Variants in PCLO observed in about 807,000 individuals in gnomAD.
PCLO encodes the protein protein piccolo.
A neutral mutation model predicts 427.5 loss-of-function variants in PCLO; 82 were observed. The observed-to-expected ratio is 0.19, with a 90% CI of 0.16 to 0.23. The LOEUF is 0.23. Ranked by LOEUF, PCLO falls within the 10% of genes least tolerant of loss-of-function variation. The pLI, the probability that PCLO is intolerant of heterozygous loss-of-function variation, is 1.00. For synonymous variants in PCLO, 2,357 were observed against 2,155.4 expected (o/e 1.09, Z -2.59); for missense variants, 6,239 against 6,115.9 (o/e 1.02, Z -0.67).
intron 3 of PCLO, among the ~76,000 whole-genome samples, chr7:83,047,108 A>G (rs1385042304): frequency 6.6e-6 from 1 of 152,106 alleles, no homozygotes; most frequent in Non-Finnish European, 1.5e-5. Context: ...TACTAAATGT[A>G]GATAAGCAAG....
At chr7:82,829,302 C>A (rs1464975078) in intron 16 of PCLO, among the ~76,000 whole-genome samples, 2 of 152,172 alleles carry the variant, frequency 1.3e-5, no homozygotes, top group African/African-American at 4.8e-5. Context: ...CAACCCTCCA[C>A]CCACTTCCCT....
intron 3 of PCLO, among the ~76,000 whole-genome samples, chr7:83,133,786 A>G (rs1425940547): frequency 6.6e-6 from 1 of 152,090 alleles, no homozygotes; most frequent in African/African-American, 2.4e-5. Context: ...GTGTTTATGC[A>G]TATTCAACCA....
intron 3 of PCLO, among the ~76,000 whole-genome samples, chr7:82,990,396 C>T (rs970264502): frequency 6.6e-5 from 10 of 152,066 alleles, no homozygotes; most frequent in African/African-American, 1.7e-4. Context: ...ATTTAATTAC[C>T]AGACAGGTAA....
chr7:82,925,819 G>C (rs1301617087), intron 6 of PCLO, among the ~76,000 whole-genome samples: 40 of 144,322 alleles, frequency 2.8e-4, no homozygotes, highest in Non-Finnish European at 1.5e-5. Context: ...GGACTCAAGT[G>C]ATCCTCCCAC....
At chr7:83,127,135 A>G (rs945679659) in intron 3 of PCLO, among the ~76,000 whole-genome samples, 1 of 152,110 alleles carries the variant, frequency 6.6e-6, no homozygotes, top group African/African-American at 2.4e-5. Context: ...TTTCAAGAGG[A>G]GAATGTCTGT....
At position 83,135,148 on chromosome 7, in the gene PCLO, T is replaced by C. The variant is rs552296324; in HGVS notation, c.2402A>G (p.Lys801Arg). Residue 801 changes from lysine to arginine, a missense_variant, in exon 3 of 25, where the codon AAA (lysine) becomes AGA (arginine). By Grantham distance (26) the Lys-to-Arg change is conservative. Coordinates refer to ENST00000333891, the MANE Select transcript of PCLO (RefSeq NM_033026.6). ...TGTTGGTGGAAAACTCTGTGAGGGT[T>C]TGGCAGAGTCTGTTTTTAGAGGAGG... The part of the protein sequence containing the change: ...TTPPLKTDSA[K>R]PSQSFPPTGE... The C allele has an allele frequency of 1.2e-6, 2 of 1,613,952 alleles. No individual in the cohort carries two copies. The highest frequency in any genetic ancestry group is 1.1e-5 in the South Asian group (1 of 91,076).
intron 6 of PCLO, among the ~76,000 whole-genome samples, chr7:82,939,875 T>C (rs1397998929): frequency 6.6e-6 from 1 of 151,884 alleles, no homozygotes; most frequent in Non-Finnish European, 1.5e-5. Context: ...CTTTATTTCA[T>C]ACAAACTGCA....
intron 10 of PCLO, among the ~76,000 whole-genome samples, chr7:82,848,063 T>C (rs761765288): frequency 2.2e-4 from 33 of 152,184 alleles, no homozygotes; most frequent in Non-Finnish European, 3.4e-4. Context: ...AAAAGAAAAG[T>C]GTAACATAAT....
intron 3 of PCLO, among the ~76,000 whole-genome samples, chr7:83,092,692 G>C (rs1735070300): frequency 6.6e-6 from 1 of 152,090 alleles, no homozygotes; most frequent in Non-Finnish European, 1.5e-5. Context: ...GCTCATGCCT[G>C]TAATCCCAGC....
chr7:82,842,997 T>G (rs1316316376), intron 13 of PCLO, among the ~76,000 whole-genome samples: 1 of 151,744 alleles, frequency 6.6e-6, no homozygotes, highest in Non-Finnish European at 1.5e-5. Flanking sequence ...AGTATGGAGG[T>G]TCCTCAAAAA....
In PCLO at chr7:82,954,421, G is replaced by T. The variant is rs201432429; in HGVS notation, c.6532C>A (p.Pro2178Thr). ...EPSESATSVP[P>T]SDTPSLTSSV... The stretch of plus-strand genomic sequence containing the variant: ...GATGTGAGAGAAGGTGTGTCAGAGG[G>T]TGGGACAGATGTAGCACTTTCTGAA... The change falls in exon 5 of 25, where the codon CCC becomes ACC. Residue 2178 changes from proline to threonine, a missense_variant. Around this residue, in one of 5 missense-constraint regions of PCLO, gnomAD observed 4,677 missense variants for 4,468.4 expected, o/e 1.05. Coordinates refer to ENST00000333891, the MANE Select transcript of PCLO (RefSeq NM_033026.6). The T allele has an allele frequency of 6.8e-6, 11 of 1,613,816 alleles. No individual in the cohort carries two copies. The highest frequency in any genetic ancestry group is 9.3e-6 in the Non-Finnish European group (11 of 1,179,844).
chr7:82,942,062 C>T (rs1322275523), intron 6 of PCLO, among the ~76,000 whole-genome samples: 1 of 152,110 alleles, frequency 6.6e-6, no homozygotes, highest in Non-Finnish European at 1.5e-5. Context: ...GCCTGTATTC[C>T]CAGCTATTCA....
chr7:82,811,873 C>A (rs1027164879), intron 20 of PCLO, among the ~76,000 whole-genome samples: 1 of 151,264 alleles, frequency 6.6e-6, no homozygotes, highest in African/African-American at 2.4e-5. Context: ...ATGTCATTGA[C>A]AATTTCTTTT....
Position 82,955,343 on chromosome 7 carries a change from A to C in PCLO, c.5610T>G (p.Phe1870Leu). The stretch of plus-strand genomic sequence containing the variant: ...CTATTATTTTTTCCGGGCTTATTTC[A>C]AAACCTTCTGGGTCTGACTCTATGC... ...SPSIESDPEG[F>L]EISPEKIIEV... The change falls in exon 5 of 25, where the codon TTT becomes TTG. Residue 1870 changes from phenylalanine to leucine, a missense_variant. Around this residue, in one of 5 missense-constraint regions of PCLO, gnomAD observed 4,677 missense variants for 4,468.4 expected, o/e 1.05. Transcript: ENST00000333891. 6.2e-7 allele frequency: 1 copy of C among 1,613,732 alleles called. No homozygotes were observed. The highest frequency in any genetic ancestry group is 1.1e-5 in the South Asian group (1 of 91,022).
chr7:82,771,208 G>T (rs114163445), intron 22 of PCLO, among the ~76,000 whole-genome samples: 1,547 of 151,944 alleles, frequency 0.01, 28 homozygotes, highest in African/African-American at 0.036. Flanking sequence ...CCACTAGCTA[G>T]CTCCCTTATT....
chr7:82,965,628 C>G, intron 4 of PCLO, 143 bp downstream of exon 4: 3 of 579,838 alleles, frequency 5.2e-6, no homozygotes, highest in Non-Finnish European at 8.9e-6. Flanking sequence ...TATAGTCAAA[C>G]AAGTGTTATA....
Position 82,966,228 on chromosome 7 carries a change from G to A in PCLO, c.3560C>T (p.Pro1187Leu), listed in dbSNP as rs373251722. The change falls in exon 4 of 25, where the codon CCT (proline) becomes CTT (leucine). Residue 1187 changes from proline to leucine, a missense_variant. By Grantham distance (98) the Pro-to-Leu change is moderately conservative. Coordinates refer to ENST00000333891, the MANE Select transcript of PCLO (RefSeq NM_033026.6). ...KETLSMEKIP[P>L]MVTTDQKQEE... Reference sequence around the variant, plus strand: ...TTGTTTTTGATCTGTGGTTACCATAGGAGGAATTTTTTCCATTGATAGTGT... The same window carrying A: ...TTGTTTTTGATCTGTGGTTACCATAAGAGGAATTTTTTCCATTGATAGTGT... 4 of 1,610,802 alleles carry A rather than the reference G, an allele frequency of 2.5e-6. No homozygotes were observed. Among genetic ancestry groups the A allele is most frequent in the African/African-American group, 1.3e-5 (1 of 74,478 alleles).
intron 22 of PCLO, among the ~76,000 whole-genome samples, chr7:82,785,932 A>G (rs1790975376): frequency 6.6e-6 from 1 of 152,202 alleles, no homozygotes; most frequent in South Asian, 2.1e-4. Flanking sequence ...GGTAAAACCT[A>G]GCTAGAGTTA....
rs1345687480 is a variant in PCLO at position 83,155,342 on chromosome 7, T to A, written c.1299A>T (p.Ala433=). The A allele has an allele frequency of 1.9e-6, 3 of 1,613,782 alleles. No individual in the cohort carries two copies. The Admixed American group carries it at 5.0e-5, about 27-fold the overall frequency. Residue 433 remains alanine (A), a synonymous_variant, in exon 2 of 25, where the codon GCA becomes GCT. Coordinates refer to ENST00000333891, the MANE Select transcript of PCLO (RefSeq NM_033026.6). ...QQPGLQSPAK[A]PGPTKTPVQQ... ...GAACTGGAGTCTTTGTAGGCCCAGG[T>A]GCCTTAGCTGGAGACTGTAGCCCAG...
Sources: gnomAD v4.1 joint callset for allele counts (sites outside exome capture counted in the v4.1 genomes callset) on GRCh38, gnomAD v4.1.1 for gene constraint, gnomAD v4.1.1 regional missense constraint, MANE v1.5 for transcripts, NCBI Gene and HGNC (gene_info 2026-07-23, HGNC 2026-07-21) for gene names.